C2CD3: variants seen among roughly 807,000 people sequenced by gnomAD.
C2CD3 encodes C2 domain-containing protein 3.
A neutral mutation model predicts 234.0 loss-of-function variants in C2CD3; 148 were observed. That is an observed-to-expected ratio of 0.63 (90% CI 0.55 to 0.72). The LOEUF (loss-of-function observed/expected upper bound fraction) is 0.72, where lower values mean the gene tolerates loss of function less well. Ranked by LOEUF, C2CD3 falls within the 30% of genes least tolerant of loss-of-function variation. The pLI is 0.00. For synonymous variants in C2CD3, 1,000 were observed against 1,035.4 expected, an observed-to-expected ratio of 0.97 and a Z score of 0.66; for missense variants, 2,577 against 2,811.5, an observed-to-expected ratio of 0.92 and a Z score of 1.89.
rs879784998 is a variant in C2CD3 at position 74,075,502 on chromosome 11, A to AGTGTGTTT, written c.4604-903_4604-902insAAACACAC. On this transcript the variant is annotated intron_variant, in intron 23 of 32. Coordinates refer to ENST00000334126, the MANE Select transcript of C2CD3 (RefSeq NM_001286577.2). ...AACTGCCAACATCACTCTGGCAGTA[A>AGTGTGTTT]GTGGCAGATTTAAGCCCAGAGACTT... 4.8e-3 allele frequency among the ~76,000 whole-genome samples: 730 copies of AGTGTGTTT among 152,330 alleles called. 6 individuals are homozygous for AGTGTGTTT. Among genetic ancestry groups the AGTGTGTTT allele is most frequent in the South Asian group, 0.01 (49 of 4,822 alleles).
rs558140543 is a variant in C2CD3 at position 74,043,632 on chromosome 11, G to A, written c.5496-1414C>T. Reference sequence around the variant, plus strand: ...TTCCAATTTATCTACCCCTTCCTAAGGCTTGAGATATCTTTTTTTTTTTTT... The same window carrying A: ...TTCCAATTTATCTACCCCTTCCTAAAGCTTGAGATATCTTTTTTTTTTTTT... On this transcript the variant is annotated intron_variant, in intron 28 of 32. Transcript: ENST00000334126. Among the ~76,000 whole-genome samples, 12 of 151,984 alleles carry A rather than the reference G, an allele frequency of 7.9e-5. No homozygotes were observed. In the East Asian group the frequency reaches 2.1e-3, roughly 27 times the overall value.
At chr11:74,092,380 A>G in intron 19 of C2CD3, 36 bp downstream of exon 19, 1 of 1,584,328 alleles carries the variant, frequency 6.3e-7, no homozygotes, top group Non-Finnish European at 8.7e-7. Context: ...ATGTATACTG[A>G]TTTTGAAAGA....
Position 74,048,431 on chromosome 11 carries a change from G to A in C2CD3, c.5362-93C>T, listed in dbSNP as rs1029796844. 3 of 1,290,442 alleles carry A rather than the reference G, an allele frequency of 2.3e-6. No homozygotes were observed. In the African/African-American group the frequency reaches 4.5e-5, roughly 19 times the overall value. 79.9% of individuals were successfully genotyped at this position (1,290,442 alleles called of 1,614,324 possible). A position where few individuals can be genotyped will look rare whatever the true frequency, so the allele number is the denominator to read the frequency against. ...AATAAGTTTGTAAAATTTATTGTGT[G>A]CATTTAATTTACTGAATACTTTGTG... On this transcript the variant is annotated intron_variant, in intron 27 of 32. Coordinates refer to ENST00000334126, the MANE Select transcript of C2CD3 (RefSeq NM_001286577.2).
At chr11:74,049,599 T>C (rs1223331094) in intron 26 of C2CD3, 57 bp from the exon 27 acceptor site, 9 of 1,374,348 alleles carry the variant, frequency 6.5e-6, no homozygotes. Context: ...GCCACTGAGA[T>C]TAGAGGGTGC....
chr11:74,079,344 T>G (rs1591410871), intron 22 of C2CD3, among the ~76,000 whole-genome samples: 2 of 152,114 alleles, frequency 1.3e-5, no homozygotes, highest in African/African-American at 4.8e-5. Context: ...TAGGACTATA[T>G]GCATGTGCTA....
rs1839532054 is a variant in C2CD3 at position 74,034,409 on chromosome 11, AC to A, written c.5882-132del. 12 of 1,507,884 alleles carry A rather than the reference AC, an allele frequency of 8.0e-6. 1 individual carries two copies. In the South Asian group the frequency reaches 1.5e-4, roughly 19 times the overall value. The allele number at this position is 1,507,884 out of a possible 1,614,324, so 93.4% of individuals were successfully genotyped here. A position where few individuals can be genotyped will look rare whatever the true frequency, so the allele number is the denominator to read the frequency against. On this transcript the variant is annotated intron_variant, in intron 30 of 32. Transcript: ENST00000334126. Reference sequence around the variant, plus strand: ...AACAAACCATAAAGAAAATTAGTCCACCCAAGATTCAGTGAGACTATATTCA... The same window carrying A: ...AACAAACCATAAAGAAAATTAGTCCACCAAGATTCAGTGAGACTATATTCA...
chr11:74,090,805 G>A lies in C2CD3; in HGVS notation c.3641+8C>T, dbSNP rs1034325142. On this transcript the variant is annotated splice_region_variant and intron_variant, in intron 20 of 32. Coordinates refer to ENST00000334126, the MANE Select transcript of C2CD3 (RefSeq NM_001286577.2). ...GGCTTGAGAATTGCTTGTCTCAGGT[G>A]GACTTACTTGGCTGCTGCTTGCAGA... The A allele has an allele frequency of 6.2e-7, 1 of 1,613,860 alleles. No homozygotes were observed. Among genetic ancestry groups the A allele is most frequent in the African/African-American group, 1.3e-5 (1 of 74,892 alleles).
chr11:74,065,240 A>C (rs2135449787), intron 24 of C2CD3, among the ~76,000 whole-genome samples: 1 of 152,342 alleles, frequency 6.6e-6, no homozygotes, highest in East Asian at 1.9e-4. Flanking sequence ...AACCCCATCA[A>C]AAAGTGGGCA....
Position 74,074,488 on chromosome 11 carries a change from G to A in C2CD3, c.4716C>T (p.Asp1572=), listed in dbSNP as rs763587674. The A allele has an allele frequency of 1.1e-5, 18 of 1,614,170 alleles. No individual in the cohort carries two copies. Among genetic ancestry groups the A allele is most frequent in the Admixed American group, 3.3e-5 (2 of 60,020 alleles). ...CACTGTGGCTGCTGCAGTCCATGGAGTCCAGCTCATGAGTGGGCTCAAGGT... is the reference window on the plus strand; with the variant it reads ...CACTGTGGCTGCTGCAGTCCATGGAATCCAGCTCATGAGTGGGCTCAAGGT... The part of the protein sequence containing the change: ...SSHLEPTHEL[D]SMDCSSHSES... Residue 1572 remains aspartate (D), a synonymous_variant, in exon 24 of 33, where the codon GAC becomes GAT. Coordinates refer to ENST00000334126, the MANE Select transcript of C2CD3 (RefSeq NM_001286577.2).
rs552952532 is a variant in C2CD3, at chr11:74,047,529, C to T, written c.5495+676G>A. On this transcript the variant is annotated intron_variant, in intron 28 of 32. Coordinates refer to ENST00000334126, the MANE Select transcript of C2CD3 (RefSeq NM_001286577.2). Reference sequence around the variant, plus strand: ...CTTCATGTGGTGATCAAGTAGAAAACTATGTAGCCCTGAATTGGGCCTTAG... The same window carrying T: ...CTTCATGTGGTGATCAAGTAGAAAATTATGTAGCCCTGAATTGGGCCTTAG... Among the ~76,000 whole-genome samples the T allele has an allele frequency of 6.6e-5, 10 of 152,316 alleles. No homozygotes were observed. The South Asian group carries it at 2.1e-3, about 32-fold the overall frequency.
intron 32 of C2CD3, among the ~76,000 whole-genome samples, 173 bp from the exon 33 acceptor site, chr11:74,013,698 G>T (rs1179687705): frequency 2.6e-5 from 4 of 152,126 alleles, no homozygotes; most frequent in South Asian, 2.1e-4. Context: ...CCCATATGGG[G>T]GGTATATCAT....
At chr11:74,028,944 C>A (rs1952414465) in intron 31 of C2CD3, among the ~76,000 whole-genome samples, 1 of 152,130 alleles carries the variant, frequency 6.6e-6, no homozygotes, top group Non-Finnish European at 1.5e-5. Flanking sequence ...ATTTAGGTGC[C>A]CTGCACTGAA....
intron 22 of C2CD3, among the ~76,000 whole-genome samples, chr11:74,083,968 A>G (rs1205247070): frequency 3.3e-5 from 5 of 152,238 alleles, no homozygotes; most frequent in Admixed American, 3.3e-4. Context: ...ATTATAAATC[A>G]TGCTACTATA....
At chr11:74,139,105 A>C (rs1336884664) in intron 4 of C2CD3, 138 bp from the exon 5 acceptor site, 49 of 633,058 alleles carry the variant, frequency 7.7e-5, no homozygotes, top group Non-Finnish European at 1.0e-4. Flanking sequence ...TTTGCAATAC[A>C]ACTTTGTAAA....
chr11:74,125,341 A>AT (rs1226134937), intron 7 of C2CD3, among the ~76,000 whole-genome samples: 1 of 152,128 alleles, frequency 6.6e-6, no homozygotes, highest in Non-Finnish European at 1.5e-5. Flanking sequence ...CTAATTAAAA[A>AT]TTTTTGTAGA....
chr11:74,118,832 T>G (rs186346892), intron 8 of C2CD3, among the ~76,000 whole-genome samples: 1 of 152,140 alleles, frequency 6.6e-6, no homozygotes, highest in African/African-American at 2.4e-5. Context: ...TCCATGGGCT[T>G]CAAAGCCTGT....
Position 74,084,728 on chromosome 11 carries a change from A to C in C2CD3, c.4000+153T>G, listed in dbSNP as rs73559826. ...AAACTAAAAAAAAAAAAGTTTCAAA[A>C]AACATTTGAGGTATTGGAGAGAGTT... On this transcript the variant is annotated intron_variant, in intron 22 of 32. Transcript: ENST00000334126. Among the ~76,000 whole-genome samples, 2,671 of 152,330 alleles carry C rather than the reference A, an allele frequency of 0.018. 80 individuals carry two copies. Among genetic ancestry groups the C allele is most frequent in the African/African-American group, 0.061 (2,545 of 41,582 alleles).
intron 2 of C2CD3, chr11:74,164,042 G>T (rs1856645797): frequency 3.3e-6 from 1 of 300,172 alleles, no homozygotes; most frequent in Non-Finnish European, 4.9e-6. Flanking sequence ...GACAGAACTG[G>T]GCTAAAACTC....
At chr11:74,048,040 T>G (rs766644146) in intron 28 of C2CD3, among the ~76,000 whole-genome samples, 165 bp downstream of exon 28, 6 of 152,266 alleles carry the variant, frequency 3.9e-5, no homozygotes, top group Non-Finnish European at 8.8e-5. Flanking sequence ...ATAAAAACTT[T>G]GTTTTCATAC....
Sources: allele counts gnomAD v4.1 joint callset (sites outside exome capture counted in the v4.1 genomes callset), GRCh38; gene constraint gnomAD v4.1.1; transcripts MANE v1.5; gene names NCBI Gene and HGNC (gene_info 2026-07-23, HGNC 2026-07-21).